TRIM46: variants seen among roughly 807,000 people sequenced by gnomAD.
TRIM46 encodes the protein tripartite motif-containing protein 46.
A neutral mutation model predicts 69.7 loss-of-function variants in TRIM46; 17 were observed. The ratio of observed to expected loss-of-function variants is 0.24; its 90% CI spans 0.17 to 0.37. The LOEUF (loss-of-function observed/expected upper bound fraction) is 0.37. TRIM46 is among the 10% of genes least tolerant of loss of function. The pLI, the probability that TRIM46 is intolerant of heterozygous loss-of-function variation, is 1.00. For missense variants in TRIM46, 675 were observed against 1,025.1 expected (o/e 0.66, Z 4.66); for synonymous variants, 391 against 429.0 (o/e 0.91, Z 1.09).
At chr1:155,174,457 C>A in intron 1 of TRIM46, 1 of 1,396,382 alleles carries the variant, frequency 7.2e-7, no homozygotes, top group Non-Finnish European at 9.3e-7. Context: ...CCCAAGACCC[C>A]ACCCCACGCA....
At position 155,176,045 on chromosome 1, in the gene TRIM46, C is replaced by T; in HGVS notation, c.483C>T (p.Arg161=). The part of the protein sequence containing the change: ...LTLERVVERY[R]QSVSVGGAIL... ...TGGAGCGTGTGGTGGAGCGGTACCG[C>T]CAGAGTGTGAGTGTGGGAGGTGCCA... The change falls in exon 3 of 10, where the codon CGC becomes CGT. Residue 161 remains arginine, a synonymous_variant. Coordinates refer to ENST00000334634, the MANE Select transcript of TRIM46 (RefSeq NM_025058.5). 1 of 1,614,104 alleles carries T rather than the reference C, an allele frequency of 6.2e-7. No individual in the cohort carries two copies.
At chr1:155,183,060 G>C (rs901737410) in intron 9 of TRIM46, among the ~76,000 whole-genome samples, 5 of 151,542 alleles carry the variant, frequency 3.3e-5, no homozygotes, top group African/African-American at 4.8e-5. Context: ...ACAGGCACCC[G>C]CCACCATGCC....
At position 155,173,901 on chromosome 1, in the gene TRIM46, T is replaced by C; in HGVS notation, c.-66T>C. On this transcript the variant is annotated 5_prime_UTR_variant, in exon 1 of 10. Transcript: ENST00000334634. The stretch of plus-strand genomic sequence containing the variant: ...CTCACACCCCCACTGGGCTCCTGCA[T>C]TAAGCCCGGGGTTCGCAGCCGCAGC... The C allele has an allele frequency of 6.6e-7, 1 of 1,509,982 alleles. No individual in the cohort carries two copies. Among genetic ancestry groups the C allele is most frequent in the East Asian group, 2.4e-5 (1 of 40,888 alleles). 93.5% of individuals were successfully genotyped at this position (1,509,982 alleles called of 1,614,324 possible).
In TRIM46 at chr1:155,179,678, T is replaced by C; in HGVS notation, c.1332T>C (p.Asp444=). 1 of 1,613,238 alleles carries C rather than the reference T, an allele frequency of 6.2e-7. No homozygotes were observed. The highest frequency in any genetic ancestry group is 8.5e-7 in the Non-Finnish European group (1 of 1,179,808). The change falls in exon 8 of 10, where the codon GAT becomes GAC. Residue 444 remains aspartate (D), a synonymous_variant. Transcript: ENST00000334634. ...VIDTQRTFAY[D]QIFLCWRLPP... The stretch of plus-strand genomic sequence containing the variant: ...ACACCCAGCGCACCTTTGCCTATGA[T>C]CAGATCTTCCTGTGCTGGCGGCTGC...
rs912711062 is a variant in TRIM46 at position 155,174,930 on chromosome 1, T to G, written c.64-456T>G. 9.3e-6 allele frequency: 13 copies of G among 1,396,086 alleles called. No individual in the cohort carries two copies. The African/African-American group carries it at 1.9e-4, about 21-fold the overall frequency. The allele number at this position is 1,396,086 out of a possible 1,614,324, so 86.5% of individuals were successfully genotyped here. On this transcript the variant is annotated intron_variant, in intron 1 of 9. Transcript: ENST00000334634. ...AGGAGGACGTATGGAGCGAGCAGGATGGAGTGCCAACCTCGCCTGGCTATC... is the reference window on the plus strand; with the variant it reads ...AGGAGGACGTATGGAGCGAGCAGGAGGGAGTGCCAACCTCGCCTGGCTATC...
At position 155,175,428 on chromosome 1, in the gene TRIM46, T is replaced by A; in HGVS notation, c.106T>A (p.Cys36Ser). 1 of 1,614,098 alleles carries A rather than the reference T, an allele frequency of 6.2e-7. No individual in the cohort carries two copies. Among genetic ancestry groups the A allele is most frequent in the Non-Finnish European group, 8.5e-7 (1 of 1,179,980 alleles). The change falls in exon 2 of 10, where the codon TGT becomes AGT. Residue 36 changes from cysteine to serine, a missense_variant. Cys to Ser is a moderately radical substitution (Grantham distance 112). Transcript: ENST00000334634. This position sits in a 1 kb window ranked among gnomAD's most constrained non-coding sequence, Gnocchi z 4.2. ...NMEKELLCPV[C>S]QEMYKQPLVL... The stretch of plus-strand genomic sequence containing the variant: ...GGAGAAGGAACTGCTGTGCCCAGTG[T>A]GTCAAGAGATGTACAAGCAGCCACT...
At position 155,177,082 on chromosome 1, in the gene TRIM46, AC is replaced by A; in HGVS notation, c.813+13del. 3.7e-6 allele frequency: 6 copies of A among 1,612,024 alleles called. No homozygotes were observed. The highest frequency in any genetic ancestry group is 2.2e-5 in the East Asian group (1 of 44,794). On this transcript the variant is annotated splice_region_variant and intron_variant, in intron 4 of 9. Coordinates refer to ENST00000334634, the MANE Select transcript of TRIM46 (RefSeq NM_025058.5). Reference sequence around the variant, plus strand: ...TGCCTACCAGGCCCTCAAGGTAAGGACCCCCCTTATCCAACCCTAGTGCTAA... The same window carrying A: ...TGCCTACCAGGCCCTCAAGGTAAGGACCCCCTTATCCAACCCTAGTGCTAA...
At chr1:155,178,739 T>TTGGCCCCCCCCCCCCCCCCCCCCCCCCC in intron 7 of TRIM46, 126 bp downstream of exon 7, 7 of 1,348,470 alleles carry the variant, frequency 5.2e-6, no homozygotes, top group African/African-American at 1.5e-5. Context: ...CAGCCATTCC[T>TTGGCCCCCCCCCCCCCCCCCCCCCCCCC]CCCACCCAGC....
chr1:155,174,997 G>A, intron 1 of TRIM46: 1 of 1,385,090 alleles, frequency 7.2e-7, no homozygotes, highest in Admixed American at 3.5e-5. Context: ...AGAAGGGAGT[G>A]GGGGTCTGCA....
chr1:155,179,613 C>G lies in TRIM46; in HGVS notation c.1286-19C>G, dbSNP rs759060397. On this transcript the variant is annotated intron_variant, in intron 7 of 9. Coordinates refer to ENST00000334634, the MANE Select transcript of TRIM46 (RefSeq NM_025058.5). ...CCAGTGGCCAGGCCCTGACTGACAC[C>G]CGCTGTCTCTTCCAACAGTGCCTGA... 6.4e-7 allele frequency: 1 copy of G among 1,572,098 alleles called. No homozygotes were observed.
rs1408618316 is a variant in TRIM46, at chr1:155,173,928, G to A, written c.-39G>A. The stretch of plus-strand genomic sequence containing the variant: ...AAGCCCGGGGTTCGCAGCCGCAGCC[G>A]GGATCGGGCACCCAGGGGCGGGCGG... On this transcript the variant is annotated 5_prime_UTR_variant, in exon 1 of 10. Coordinates refer to ENST00000334634, the MANE Select transcript of TRIM46 (RefSeq NM_025058.5). The A allele has an allele frequency of 6.4e-7, 1 of 1,560,552 alleles. No homozygotes were observed. The highest frequency in any genetic ancestry group is 2.4e-5 in the East Asian group (1 of 41,882).
At chr1:155,182,330 A>G (rs180854484) in intron 9 of TRIM46, 181 bp downstream of exon 9, 648 of 676,920 alleles carry the variant, frequency 9.6e-4, no homozygotes, top group Non-Finnish European at 1.3e-3. Flanking sequence ...GGCTCAGCAA[A>G]AGGGCTTTTG....
Position 155,178,270 on chromosome 1 carries a change from G to A in TRIM46, c.1163+15G>A. ...CTGCACAACAGGTACTCAGGGGCAT[G>A]GGCTCCTAGGGGGGCAGGGACATCA... On this transcript the variant is annotated intron_variant, in intron 6 of 9. Transcript: ENST00000334634. 1 of 1,582,386 alleles carries A rather than the reference G, an allele frequency of 6.3e-7. No individual in the cohort carries two copies. Among genetic ancestry groups the A allele is most frequent in the Non-Finnish European group, 8.6e-7 (1 of 1,161,724 alleles).
At position 155,175,667 on chromosome 1, in the gene TRIM46, G is replaced by A. The variant is rs1032490136; in HGVS notation, c.325+20G>A. On this transcript the variant is annotated intron_variant, in intron 2 of 9. Transcript: ENST00000334634. The surrounding 1 kb of genome is among the most constrained non-coding windows in gnomAD (Gnocchi z 4.2). ...AGTCAGGTGGGACTGGGGCCTGTAG[G>A]GTGGGGATGGGAACGCTGAGCTATT... 2.5e-6 allele frequency: 4 copies of A among 1,612,916 alleles called. No individual in the cohort carries two copies. Among genetic ancestry groups the A allele is most frequent in the African/African-American group, 1.3e-5 (1 of 74,940 alleles).
intron 8 of TRIM46, among the ~76,000 whole-genome samples, 164 bp downstream of exon 8, chr1:155,180,098 C>T (rs1013332342): frequency 3.9e-5 from 6 of 152,264 alleles, no homozygotes; most frequent in African/African-American, 1.4e-4. Context: ...CCAGCTCTGC[C>T]TCTTGCCAAC....
chr1:155,180,183 C>T (rs577932870), intron 8 of TRIM46, among the ~76,000 whole-genome samples: 159 of 152,350 alleles, frequency 1.0e-3, no homozygotes, highest in Non-Finnish European at 1.2e-3. Context: ...AACGATAATA[C>T]TGGCCAGGTG....
At chr1:155,180,228 A>G (rs879553597) in intron 8 of TRIM46, among the ~76,000 whole-genome samples, 1 of 152,216 alleles carries the variant, frequency 6.6e-6, no homozygotes, top group Non-Finnish European at 1.5e-5. Context: ...GCACTTTGGG[A>G]GGCCAAGGAG....
intron 1 of TRIM46, chr1:155,174,552 C>G (rs1025307040): frequency 1.4e-6 from 2 of 1,455,910 alleles, no homozygotes; most frequent in African/African-American, 1.4e-5. Flanking sequence ...ACCGTGTTCC[C>G]CCCCACCACT....
chr1:155,178,739 T>TGCCCCCCCCC, intron 7 of TRIM46, 126 bp downstream of exon 7: 3 of 1,348,452 alleles, frequency 2.2e-6, no homozygotes, highest in Non-Finnish European at 3.1e-6. Context: ...CAGCCATTCC[T>TGCCCCCCCCC]CCCACCCAGC....
Sources: allele counts gnomAD v4.1 joint callset (sites outside exome capture counted in the v4.1 genomes callset), GRCh38; gene constraint gnomAD v4.1.1; non-coding constraint Gnocchi (gnomAD v3.1); transcripts MANE v1.5; gene names NCBI Gene and HGNC (gene_info 2026-07-23, HGNC 2026-07-21).